The following PHC3 variants were observed in gnomAD, a reference collection of about 807,000 sequenced individuals.
PHC3 encodes the protein polyhomeotic homolog 3, also known as polyhomeotic-like protein 3.
PHC3 carries 13 observed loss-of-function variants against 107.4 expected under a neutral mutation model. The ratio of observed to expected loss-of-function variants is 0.12; its 90% confidence interval spans 0.08 to 0.19. The LOEUF is 0.19. Ranked by LOEUF, PHC3 falls within the 10% of genes least tolerant of loss-of-function variation. The pLI is 1.00. For synonymous variants in PHC3, 456 were observed against 427.4 expected (o/e 1.07, Z -0.83); for missense variants, 992 against 1,210.9 (o/e 0.82, Z 2.68).
At chr3:170,111,327 AACG>A (rs1717676800) in intron 11 of PHC3, among the ~76,000 whole-genome samples, 2 of 150,218 alleles carry the variant, frequency 1.3e-5, no homozygotes, top group Non-Finnish European at 3.0e-5. Flanking sequence ...GGAACGAACG[AACG>A]AAAGAACAAA....
intron 11 of PHC3, among the ~76,000 whole-genome samples, chr3:170,108,952 G>A (rs535513572): frequency 6.6e-6 from 1 of 152,232 alleles, no homozygotes; most frequent in African/African-American, 2.4e-5. Context: ...ATACCAAACA[G>A]AAATGGTTTA....
intron 8 of PHC3, among the ~76,000 whole-genome samples, chr3:170,127,113 A>C (rs929751753): frequency 2.6e-5 from 4 of 152,158 alleles, no homozygotes; most frequent in Non-Finnish European, 5.9e-5. Flanking sequence ...CAATATCCAT[A>C]GTAAACTCCA....
At chr3:170,143,954 G>C (rs1724524360) in intron 6 of PHC3, among the ~76,000 whole-genome samples, 2 of 151,846 alleles carry the variant, frequency 1.3e-5, no homozygotes, top group Admixed American at 1.3e-4. Context: ...CTTATACCAA[G>C]AACCTTATAC....
At position 170,088,381 on chromosome 3, in the gene PHC3, C is replaced by T. The variant is rs546626291; in HGVS notation, c.*8849G>A. 43 of 152,204 alleles carry T rather than the reference C, an allele frequency of 2.8e-4. No homozygotes were observed. Among genetic ancestry groups the T allele is most frequent in the African/African-American group, 5.8e-4 (24 of 41,552 alleles). The allele number at this position is 152,204 out of a possible 1,614,324, so 9.4% of individuals were successfully genotyped here. ...ATTAACAAAATTTTAATAAGCAAGA[C>T]GACAAAAAGTACTAATTTAAAAGGC... On this transcript the variant is annotated 3_prime_UTR_variant, in exon 15 of 15. Coordinates refer to ENST00000495893, the MANE Select transcript of PHC3 (RefSeq NM_024947.4).
At chr3:170,130,433 T>C (rs572563102) in intron 7 of PHC3, among the ~76,000 whole-genome samples, 12 of 152,280 alleles carry the variant, frequency 7.9e-5, no homozygotes, top group Non-Finnish European at 8.8e-5. Context: ...AAATATTTTG[T>C]ATAATAATCT....
chr3:170,159,911 CATGTAAAGATAATTATAAA>C (rs550884507), intron 4 of PHC3, among the ~76,000 whole-genome samples: 3 of 152,170 alleles, frequency 2.0e-5, no homozygotes, highest in Non-Finnish European at 2.9e-5. Flanking sequence ...ATACAGAATT[CATGTAAAGATAATTATAAA>C]AAGAGGTAAT....
intron 6 of PHC3, among the ~76,000 whole-genome samples, chr3:170,143,577 C>A (rs1269414294): frequency 6.6e-6 from 1 of 152,136 alleles, no homozygotes; most frequent in East Asian, 1.9e-4. Flanking sequence ...ATACCCATTT[C>A]TGCCATATGC....
intron 9 of PHC3, among the ~76,000 whole-genome samples, chr3:170,120,018 A>C (rs908871044): frequency 6.6e-6 from 1 of 152,206 alleles, no homozygotes; most frequent in African/African-American, 2.4e-5. Flanking sequence ...CTTGTGTTCC[A>C]ATATTTCAGA....
intron 2 of PHC3, among the ~76,000 whole-genome samples, chr3:170,174,931 G>A (rs1049777753): frequency 2.6e-5 from 4 of 151,990 alleles, no homozygotes; most frequent in African/African-American, 7.2e-5. Flanking sequence ...GACTGTATAC[G>A]GAAAAAAATT....
At chr3:170,176,852 G>A (rs1264693138) in intron 2 of PHC3, 3 of 450,410 alleles carry the variant, frequency 6.7e-6, no homozygotes, top group Admixed American at 5.0e-5. Flanking sequence ...ATTAATGAAA[G>A]AAGTAGTCTC....
chr3:170,133,182 C>CT (rs757533544), intron 7 of PHC3, among the ~76,000 whole-genome samples: 280 of 141,390 alleles, frequency 2.0e-3, no homozygotes, highest in East Asian at 0.01. Flanking sequence ...TTCAGATTAA[C>CT]TTTTTTTTTT....
intron 4 of PHC3, among the ~76,000 whole-genome samples, chr3:170,149,644 C>T (rs1439746822): frequency 9.9e-5 from 15 of 152,084 alleles, no homozygotes; most frequent in South Asian, 6.2e-4. Flanking sequence ...TTATTAGAGA[C>T]GGGGTTTCTC....
At chr3:170,166,130 C>T (rs1383830870) in intron 4 of PHC3, among the ~76,000 whole-genome samples, 1 of 149,946 alleles carries the variant, frequency 6.7e-6, no homozygotes, top group Non-Finnish European at 1.5e-5. Context: ...TTGCAACCTC[C>T]GCCTCCTGGG....
intron 11 of PHC3, among the ~76,000 whole-genome samples, chr3:170,112,393 A>AT (rs1311459453): frequency 1.8e-5 from 2 of 112,702 alleles, no homozygotes; most frequent in East Asian, 3.4e-4. Flanking sequence ...ATATATATAT[A>AT]TATTTTTTTT....
chr3:170,142,097 A>ATTCTC (rs1306726550), intron 6 of PHC3, among the ~76,000 whole-genome samples: 2 of 152,210 alleles, frequency 1.3e-5, no homozygotes, highest in Non-Finnish European at 2.9e-5. Context: ...AGCTGCAAGT[A>ATTCTC]ACGGCTCCGA....
Position 170,122,687 on chromosome 3 carries a change from C to T in PHC3, c.1846G>A (p.Val616Ile). ...GGTGGTGGGGTTCTATCCATCCGGA[C>T]ACATTCATCTGACTCTTCTGGCATT... ...EEMPEESDECVRMDRTPPPPT... is the reference protein window; with the variant it reads ...EEMPEESDECIRMDRTPPPPT... The change falls in exon 9 of 15, where the codon GTC becomes ATC. Residue 616 changes from valine to isoleucine, a missense_variant. Physicochemically the swap from Val to Ile is conservative, Grantham distance 29 (BLOSUM62 3). Coordinates refer to ENST00000495893, the MANE Select transcript of PHC3 (RefSeq NM_024947.4). The T allele has an allele frequency of 6.2e-7, 1 of 1,613,970 alleles. No homozygotes were observed. Among genetic ancestry groups the T allele is most frequent in the South Asian group, 1.1e-5 (1 of 91,088 alleles).
At chr3:170,157,134 A>G (rs1187424841) in intron 4 of PHC3, among the ~76,000 whole-genome samples, 1 of 152,236 alleles carries the variant, frequency 6.6e-6, no homozygotes, top group Non-Finnish European at 1.5e-5. Flanking sequence ...TATATAAAAT[A>G]AAATCCATTC....
chr3:170,110,604 C>T (rs1269875199), intron 11 of PHC3, among the ~76,000 whole-genome samples: 1 of 152,146 alleles, frequency 6.6e-6, no homozygotes, highest in African/African-American at 2.4e-5. Flanking sequence ...GTAGCTCCTT[C>T]GTTACCTTTC....
chr3:170,145,107 G>A (rs1054481621), intron 6 of PHC3, among the ~76,000 whole-genome samples: 4 of 152,104 alleles, frequency 2.6e-5, no homozygotes, highest in Non-Finnish European at 4.4e-5. Context: ...AGGAATCTAA[G>A]CAAAAGAATA....
Sources: gnomAD v4.1 joint callset for allele counts (sites outside exome capture counted in the v4.1 genomes callset) on GRCh38, gnomAD v4.1.1 for gene constraint, MANE v1.5 for transcripts, NCBI Gene and HGNC (gene_info 2026-07-23, HGNC 2026-07-21) for gene names.